The following TRPC5 variants were observed in gnomAD, a reference collection of about 807,000 sequenced individuals.
The protein encoded by TRPC5 is short transient receptor potential channel 5.
Under a neutral mutation model 56.5 loss-of-function variants are expected in TRPC5, and 9 were observed. The ratio of observed to expected loss-of-function variants is 0.16; its 90% CI spans 0.10 to 0.28. The LOEUF (loss-of-function observed/expected upper bound fraction) is 0.28. Ranked by LOEUF, TRPC5 falls within the 10% of genes least tolerant of loss-of-function variation. The probability of loss-of-function intolerance (pLI) is 1.00; values close to 1 mark genes in which losing one functional copy is unlikely to be tolerated. For synonymous variants in TRPC5, 282 were observed against 278.5 expected (o/e 1.01, Z -0.13); for missense variants, 469 against 748.9 (o/e 0.63, Z 4.36).
intron 3 of TRPC5, among the ~76,000 whole-genome samples, chrX:111,873,809 G>A (rs1035060076): frequency 5.5e-5 from 6 of 109,188 alleles, no homozygotes. Flanking sequence ...AAAAAAATTT[G>A]AAATAAAAAA....
At chrX:111,928,847 A>C (rs1292996797) in intron 2 of TRPC5, among the ~76,000 whole-genome samples, 1 of 112,360 alleles carries the variant, frequency 8.9e-6, no homozygotes, top group African/African-American at 3.2e-5. Context: ...TTGAGAAAGC[A>C]AAGACAGTTT....
chrX:111,857,696 AT>A (rs1923281141), intron 3 of TRPC5, among the ~76,000 whole-genome samples: 1 of 112,447 alleles, frequency 8.9e-6, no homozygotes, highest in Non-Finnish European at 1.9e-5. Flanking sequence ...GCCATAGACA[AT>A]ATGTACATGA....
chrX:111,915,864 G>C (rs746371965), intron 2 of TRPC5, among the ~76,000 whole-genome samples: 2 of 111,657 alleles, frequency 1.8e-5, no homozygotes, highest in East Asian at 5.6e-4. Context: ...CCAACACTTT[G>C]GGAGGCTGAG....
intron 1 of TRPC5, among the ~76,000 whole-genome samples, chrX:112,038,097 T>C (rs1172055122): frequency 9.0e-6 from 1 of 111,624 alleles, no homozygotes; most frequent in Non-Finnish European, 1.9e-5. Context: ...TGCAAAATCA[T>C]AGTCTTCCAC....
intron 1 of TRPC5, among the ~76,000 whole-genome samples, chrX:112,005,501 G>A (rs1292144671): frequency 9.3e-6 from 1 of 107,009 alleles, no homozygotes; most frequent in Non-Finnish European, 1.9e-5. Flanking sequence ...CAACTCCAGG[G>A]TCCCTCTCCC....
chrX:111,989,137 A>T (rs1194010850), intron 1 of TRPC5, among the ~76,000 whole-genome samples: 1 of 111,804 alleles, frequency 8.9e-6, no homozygotes, highest in Non-Finnish European at 1.9e-5. Flanking sequence ...ACTTTGTTCT[A>T]GCAAGCAACC....
chrX:111,856,783 C>T (rs1430997526), intron 3 of TRPC5, among the ~76,000 whole-genome samples: 2 of 99,482 alleles, frequency 2.0e-5, no homozygotes, highest in Non-Finnish European at 4.0e-5. Flanking sequence ...ATCACTACTG[C>T]ACTCCAGGCT....
intron 3 of TRPC5, among the ~76,000 whole-genome samples, chrX:111,865,811 A>G (rs1430084956): frequency 8.9e-6 from 1 of 112,507 alleles, no homozygotes; most frequent in African/African-American, 3.2e-5. Flanking sequence ...TCTCTTTCCA[A>G]ATTCTTCCTT....
chrX:111,796,382 G>A (rs1198162449), intron 7 of TRPC5, among the ~76,000 whole-genome samples: 1 of 111,168 alleles, frequency 9.0e-6, no homozygotes, highest in African/African-American at 3.3e-5. Flanking sequence ...TCCTGTATAT[G>A]GGCCATACTT....
At chrX:111,883,812 G>T (rs1378106419) in intron 3 of TRPC5, among the ~76,000 whole-genome samples, 1 of 112,800 alleles carries the variant, frequency 8.9e-6, no homozygotes, top group Non-Finnish European at 1.9e-5. Flanking sequence ...TTATGTTGTA[G>T]TCCTAGTCTA....
chrX:111,872,561 A>C (rs1274916535), intron 3 of TRPC5, among the ~76,000 whole-genome samples: 1 of 112,000 alleles, frequency 8.9e-6, no homozygotes, highest in African/African-American at 3.2e-5. Context: ...AAAGATTGGC[A>C]AGTCAGGATT....
chrX:111,791,092 G>T (rs1434403270), intron 7 of TRPC5, among the ~76,000 whole-genome samples: 1 of 91,361 alleles, frequency 1.1e-5, no homozygotes, highest in Non-Finnish European at 2.1e-5. Context: ...CATCTCTGAA[G>T]CATCATCCCA....
At chrX:112,046,183 C>T (rs188763109) in intron 1 of TRPC5, among the ~76,000 whole-genome samples, 2 of 101,656 alleles carry the variant, frequency 2.0e-5, no homozygotes, top group African/African-American at 3.9e-5. Context: ...CCCCGTCTAC[C>T]GCCACCCCCA....
intron 1 of TRPC5, among the ~76,000 whole-genome samples, chrX:112,079,728 A>C (rs1423834250): frequency 8.9e-6 from 1 of 111,994 alleles, no homozygotes; most frequent in Non-Finnish European, 1.9e-5. Context: ...TTAGGATTAT[A>C]GCTCTTGTGG....
chrX:111,843,169 T>C (rs2148581586), intron 6 of TRPC5, among the ~76,000 whole-genome samples: 1 of 112,701 alleles, frequency 8.9e-6, no homozygotes, highest in Admixed American at 9.4e-5. Flanking sequence ...AAGATAGGAT[T>C]GCTTTTGGAC....
chrX:112,023,234 G>GTTT (rs749260030), intron 1 of TRPC5, among the ~76,000 whole-genome samples: 37 of 45,929 alleles, frequency 8.1e-4, no homozygotes, highest in African/African-American at 2.5e-3. Flanking sequence ...GCGCCCAGCA[G>GTTT]TTTTTTTTTT....
chrX:111,857,031 G>C (rs372174711), intron 3 of TRPC5, among the ~76,000 whole-genome samples: 1 of 111,197 alleles, frequency 9.0e-6, no homozygotes, highest in Non-Finnish European at 1.9e-5. Context: ...TGTAGGGTTG[G>C]TGTGAGGATT....
chrX:111,966,124 C>T (rs922189097), intron 1 of TRPC5, among the ~76,000 whole-genome samples: 1 of 111,090 alleles, frequency 9.0e-6, no homozygotes, highest in Non-Finnish European at 1.9e-5. Context: ...CAAATAGATG[C>T]AATAAAAAAT....
intron 1 of TRPC5, among the ~76,000 whole-genome samples, chrX:112,028,788 C>A (rs1424841554): frequency 8.9e-6 from 1 of 111,740 alleles, no homozygotes; most frequent in African/African-American, 3.3e-5. Flanking sequence ...TGGGTATATA[C>A]CCAGTAATGG....
Sources: allele counts gnomAD v4.1 joint callset (sites outside exome capture counted in the v4.1 genomes callset), GRCh38; gene constraint gnomAD v4.1.1; transcripts MANE v1.5; gene names NCBI Gene and HGNC (gene_info 2026-07-23, HGNC 2026-07-21).